The following AOAH variants were observed in gnomAD, a reference collection of about 807,000 sequenced individuals.
AOAH encodes the protein acyloxyacyl hydrolase.
In AOAH, 64 loss-of-function variants were observed where a neutral mutation model predicts 92.2. That is an observed-to-expected ratio of 0.69 (90% CI 0.57 to 0.86). The LOEUF (loss-of-function observed/expected upper bound fraction) is 0.86, where lower values mean the gene tolerates loss of function less well. AOAH is among the 40% of genes least tolerant of loss of function. The pLI is 0.00. For synonymous variants in AOAH, 263 were observed against 254.5 expected (o/e 1.03, Z -0.32); for missense variants, 656 against 694.6 (o/e 0.94, Z 0.62).
At chr7:36,539,145 G>A (rs1424111573) in intron 16 of AOAH, among the ~76,000 whole-genome samples, 1 of 152,200 alleles carries the variant, frequency 6.6e-6, no homozygotes, top group East Asian at 1.9e-4. Flanking sequence ...CCTGAAATGG[G>A]AAATCTTGCT....
intron 13 of AOAH, among the ~76,000 whole-genome samples, chr7:36,559,468 T>C (rs568972786): frequency 9.5e-4 from 145 of 152,320 alleles, no homozygotes; most frequent in African/African-American, 3.2e-3. Context: ...TATTTCATTG[T>C]GGTTTTGATT....
chr7:36,707,030 A>G (rs1302585313), intron 1 of AOAH, among the ~76,000 whole-genome samples: 1 of 129,354 alleles, frequency 7.7e-6, no homozygotes, highest in African/African-American at 2.9e-5. Context: ...TTTTTCAATA[A>G]CTTTCTCTTT....
At chr7:36,629,726 GCCT>G (rs1341923123) in intron 6 of AOAH, among the ~76,000 whole-genome samples, 6 of 152,280 alleles carry the variant, frequency 3.9e-5, no homozygotes, top group Middle Eastern at 6.8e-3. Flanking sequence ...CTGAATCATA[GCCT>G]CCTCCTGTCC....
chr7:36,581,335 G>A (rs1452755612), intron 12 of AOAH, among the ~76,000 whole-genome samples: 2 of 152,144 alleles, frequency 1.3e-5, no homozygotes, highest in Admixed American at 6.5e-5. Flanking sequence ...GGCTCTTCTT[G>A]TTCTCTTCGT....
chr7:36,548,639 G>A lies in AOAH; in HGVS notation c.1106C>T (p.Ala369Val). Residue 369 changes from alanine to valine, a missense_variant, in exon 15 of 21, where the codon GCC (alanine) becomes GTC (valine). Ala to Val is a moderately conservative substitution (Grantham distance 64). Coordinates refer to ENST00000617537, the MANE Select transcript of AOAH (RefSeq NM_001637.4). Reference protein sequence around the residue: ...VLDYPAIVIYAMIGNDVCSGK... With the variant: ...VLDYPAIVIYVMIGNDVCSGK... ...ACTGCAGACATCATTTCCAATCATG[G>A]CATATATAACGATGGCGGGATAGTC... 2 of 1,613,686 alleles carry A rather than the reference G, an allele frequency of 1.2e-6. No individual in the cohort carries two copies. The highest frequency in any genetic ancestry group is 1.7e-6 in the Non-Finnish European group (2 of 1,179,728).
chr7:36,519,632 G>A (rs1285210643), intron 20 of AOAH, among the ~76,000 whole-genome samples: 6 of 152,206 alleles, frequency 3.9e-5, no homozygotes, highest in Admixed American at 3.9e-4. Flanking sequence ...GTTTCTGCAT[G>A]TTGGTCAGGC....
At chr7:36,580,930 G>A (rs1217280905) in intron 12 of AOAH, among the ~76,000 whole-genome samples, 1 of 152,124 alleles carries the variant, frequency 6.6e-6, no homozygotes, top group Non-Finnish European at 1.5e-5. Flanking sequence ...TCAACATTTA[G>A]CATTCATGTG....
intron 4 of AOAH, among the ~76,000 whole-genome samples, chr7:36,641,165 G>C (rs1235957822): frequency 6.6e-6 from 1 of 152,186 alleles, no homozygotes; most frequent in African/African-American, 2.4e-5. Context: ...GGGCAGACTA[G>C]AGGGAGGTCT....
At chr7:36,600,204 C>G (rs57995472) in intron 11 of AOAH, 28,031 of 152,182 alleles carry the variant, frequency 0.18, 2,749 homozygotes, top group African/African-American at 0.23. Context: ...TGTGAGGCAG[C>G]CTTCCTCCCT....
intron 6 of AOAH, among the ~76,000 whole-genome samples, chr7:36,629,172 G>A (rs1792885758): frequency 6.6e-6 from 1 of 152,208 alleles, no homozygotes; most frequent in Non-Finnish European, 1.5e-5. Flanking sequence ...TGAACCAGTT[G>A]TGACCTGCTG....
intron 4 of AOAH, among the ~76,000 whole-genome samples, chr7:36,650,410 G>A (rs1473654012): frequency 6.6e-6 from 1 of 152,184 alleles, no homozygotes; most frequent in Non-Finnish European, 1.5e-5. Context: ...GATGCAGTTA[G>A]AGGGCAAGTG....
chr7:36,542,015 G>A (rs1249343825), intron 15 of AOAH, among the ~76,000 whole-genome samples: 1 of 152,140 alleles, frequency 6.6e-6, no homozygotes, highest in Non-Finnish European at 1.5e-5. Flanking sequence ...GGGTTAAATA[G>A]TGTCCCTAAA....
At chr7:36,670,500 G>C (rs1213220163) in intron 3 of AOAH, among the ~76,000 whole-genome samples, 1 of 152,086 alleles carries the variant, frequency 6.6e-6, no homozygotes, top group East Asian at 1.9e-4. Context: ...CTCTTTATTA[G>C]AAAGAAAAAT....
intron 2 of AOAH, among the ~76,000 whole-genome samples, chr7:36,683,245 T>C (rs1182474373): frequency 6.6e-6 from 1 of 152,226 alleles, no homozygotes; most frequent in Non-Finnish European, 1.5e-5. Flanking sequence ...AGACAGCCTG[T>C]TATCAACATG....
In AOAH at chr7:36,713,474, A is replaced by G. The variant is rs143753482; in HGVS notation, c.127+10548T>C. 2.3e-3 allele frequency among the ~76,000 whole-genome samples: 357 copies of G among 152,284 alleles called. 4 individuals are homozygous for G. Among genetic ancestry groups the G allele is most frequent in the African/African-American group, 8.0e-3 (332 of 41,564 alleles). Reference sequence around the variant, plus strand: ...AATTGAACTCAGCTCTGCACCAAGCAGACCTAATTGACATCTACAGAACTC... The same window carrying G: ...AATTGAACTCAGCTCTGCACCAAGCGGACCTAATTGACATCTACAGAACTC... On this transcript the variant is annotated intron_variant, in intron 1 of 20. Coordinates refer to ENST00000617537, the MANE Select transcript of AOAH (RefSeq NM_001637.4).
At position 36,572,618 on chromosome 7, in the gene AOAH, G is replaced by A. The variant is rs567586967; in HGVS notation, c.1021+3956C>T. On this transcript the variant is annotated intron_variant, in intron 13 of 20. Transcript: ENST00000617537. ...AATACAGTTGGTAGGTGGAATTAGC[G>A]ACACTGTGTCAGTGGTACCCTGATG... Among the ~76,000 whole-genome samples the A allele has an allele frequency of 4.6e-5, 7 of 152,234 alleles. No individual in the cohort carries two copies. In the South Asian group the frequency reaches 8.3e-4, roughly 18 times the overall value.
intron 12 of AOAH, among the ~76,000 whole-genome samples, chr7:36,581,859 T>C (rs1332954688): frequency 6.6e-6 from 1 of 152,176 alleles, no homozygotes; most frequent in Non-Finnish European, 1.5e-5. Flanking sequence ...AGAAAGTATT[T>C]CACATAGTAA....
intron 3 of AOAH, among the ~76,000 whole-genome samples, chr7:36,670,966 C>T (rs1795886516): frequency 6.6e-6 from 1 of 152,138 alleles, no homozygotes. Context: ...ACCCAGGCCA[C>T]TTCTCGGTAA....
chr7:36,683,512 G>T (rs1218319728), intron 2 of AOAH, among the ~76,000 whole-genome samples: 1 of 152,148 alleles, frequency 6.6e-6, no homozygotes, highest in Non-Finnish European at 1.5e-5. Flanking sequence ...AATTTTAACT[G>T]CTCATAAGAA....
Sources: allele counts gnomAD v4.1 joint callset (sites outside exome capture counted in the v4.1 genomes callset), GRCh38; gene constraint gnomAD v4.1.1; transcripts MANE v1.5; gene names NCBI Gene and HGNC (gene_info 2026-07-23, HGNC 2026-07-21).